The following EPB41 variants were observed in gnomAD, a reference collection of about 807,000 sequenced individuals.
EPB41 encodes protein 4.1.
EPB41 carries 65 observed loss-of-function variants against 108.0 expected under a neutral mutation model. That is an observed-to-expected ratio of 0.60 (90% CI 0.49 to 0.74). The LOEUF is 0.74. Among genes scored for constraint, EPB41 ranks in the 30% least tolerant of loss-of-function variants. The probability of loss-of-function intolerance (pLI) is 0.00; values close to 1 mark genes in which losing one functional copy is unlikely to be tolerated. For missense variants in EPB41, 875 were observed against 1,037.0 expected (o/e 0.84, Z 2.15); for synonymous variants, 336 against 358.9 (o/e 0.94, Z 0.72).
rs376738515 is a variant in EPB41, at chr1:29,115,791, T to C, written c.2589T>C (p.Asp863=). 1.2e-5 allele frequency: 20 copies of C among 1,613,714 alleles called. No individual in the cohort carries two copies. Among genetic ancestry groups the C allele is most frequent in the Middle Eastern group, 3.3e-4 (2 of 6,080 alleles). The stretch of plus-strand genomic sequence containing the variant: ...TCCACCAGGAGACCGAGATTGCTGA[T>C]GAGTGAGCTCAGGTACTGGGCGTTC... ...VVVHQETEIA[D]E The change falls in exon 20 of 21, where the codon GAT becomes GAC. Residue 863 remains aspartate, a synonymous_variant. Coordinates refer to ENST00000343067, the MANE Select transcript of EPB41 (RefSeq NM_001376013.1). This position sits in a 1 kb window ranked among gnomAD's most constrained non-coding sequence, Gnocchi z 4.4.
At chr1:29,100,565 G>A (rs544962296) in intron 17 of EPB41, among the ~76,000 whole-genome samples, 491 of 147,524 alleles carry the variant, frequency 3.3e-3, no homozygotes, top group Non-Finnish European at 6.2e-3. Flanking sequence ...TGAGGAGGGA[G>A]GATCTGTTGA....
At chr1:28,902,666 G>T (rs1055653507) in intron 1 of EPB41, among the ~76,000 whole-genome samples, 4 of 152,150 alleles carry the variant, frequency 2.6e-5, no homozygotes, top group Non-Finnish European at 5.9e-5. Flanking sequence ...GTACAGGGGG[G>T]TTCGTCACAC....
chr1:28,967,180 G>A (rs1199703157), intron 1 of EPB41, among the ~76,000 whole-genome samples: 3 of 151,844 alleles, frequency 2.0e-5, no homozygotes, highest in Admixed American at 6.6e-5. Flanking sequence ...CACCACACCC[G>A]GCTAAGTTTT....
Position 28,939,568 on chromosome 1 carries a change from C to G in EPB41, c.-8+24800C>G, listed in dbSNP as rs1270726005. On this transcript the variant is annotated intron_variant, in intron 1 of 20. Coordinates refer to ENST00000343067, the MANE Select transcript of EPB41 (RefSeq NM_001376013.1). ...AAGCGATTCTCCTGGCTCAGCCTCC[C>G]GAGTAGCTGGGATTACAGGCACTTG... Among the ~76,000 whole-genome samples, 4 of 151,940 alleles carry G rather than the reference C, an allele frequency of 2.6e-5. No individual in the cohort carries two copies. The South Asian group carries it at 8.3e-4, about 32-fold the overall frequency.
chr1:28,992,967 C>T (rs2096064391), intron 2 of EPB41, among the ~76,000 whole-genome samples: 1 of 152,132 alleles, frequency 6.6e-6, no homozygotes, highest in Admixed American at 6.5e-5. Flanking sequence ...TGTAAGGCTA[C>T]ATTGCTAAAA....
At chr1:29,065,599 C>A (rs991424563) in intron 16 of EPB41, 2 of 153,144 alleles carry the variant, frequency 1.3e-5, no homozygotes, top group African/African-American at 4.8e-5. Context: ...TGGACTGGTT[C>A]CCCACAATTA....
rs1298786001 is a variant in EPB41, at chr1:29,118,274, A to AT, written c.*1468dup. The AT allele has an allele frequency of 6.6e-6, 1 of 151,898 alleles. No homozygotes were observed. Among genetic ancestry groups the AT allele is most frequent in the Non-Finnish European group, 1.5e-5 (1 of 68,014 alleles). 9.4% of individuals were successfully genotyped at this position (151,898 alleles called of 1,614,324 possible). On this transcript the variant is annotated 3_prime_UTR_variant, in exon 21 of 21. Transcript: ENST00000343067. ...AGGCGCACACCACCACGCCCAGCAA[A>AT]TTTTTTGTATTTTTAGTAGAAACGG... is the stretch of plus-strand genomic sequence containing the variant.
intron 4 of EPB41, among the ~76,000 whole-genome samples, chr1:29,009,121 C>T (rs958547521): frequency 1.3e-5 from 2 of 151,406 alleles, no homozygotes; most frequent in Admixed American, 1.3e-4. Context: ...TCCCTAAGGA[C>T]CAGTGCTAGT....
At chr1:29,090,135 G>A (rs535416226) in intron 16 of EPB41, among the ~76,000 whole-genome samples, 21 of 152,062 alleles carry the variant, frequency 1.4e-4, no homozygotes, top group South Asian at 1.2e-3. Flanking sequence ...ATGGTGGCAC[G>A]CATCTGTAAC....
chr1:29,012,155 G>A (rs990165386), intron 5 of EPB41, among the ~76,000 whole-genome samples: 9 of 152,056 alleles, frequency 5.9e-5, no homozygotes, highest in Admixed American at 2.0e-4. Flanking sequence ...CAAAGTTGGG[G>A]AAGATAGGAA....
At chr1:29,103,887 G>A (rs1448638601) in intron 17 of EPB41, among the ~76,000 whole-genome samples, 1 of 152,082 alleles carries the variant, frequency 6.6e-6, no homozygotes, top group African/African-American at 2.4e-5. Context: ...GGCTGGTTTC[G>A]AATGCCTGAT....
intron 16 of EPB41, among the ~76,000 whole-genome samples, chr1:29,077,564 AG>A (rs1654606152): frequency 6.6e-6 from 1 of 152,238 alleles, no homozygotes; most frequent in Admixed American, 6.6e-5. Flanking sequence ...AATACATTGC[AG>A]AGAGCAATTT....
chr1:29,105,640 A>G (rs1333676138), intron 17 of EPB41, among the ~76,000 whole-genome samples: 3 of 152,128 alleles, frequency 2.0e-5, no homozygotes, highest in Non-Finnish European at 4.4e-5. Context: ...CATTGAATGA[A>G]TATACCACAA....
chr1:29,115,921 C>G lies in EPB41; in HGVS notation c.*6+118C>G. On this transcript the variant is annotated intron_variant, in intron 20 of 20. Transcript: ENST00000343067. The surrounding 1 kb of genome is among the most constrained non-coding windows in gnomAD (Gnocchi z 4.4). ...CCACAAAGAGGTGTTCACCCTGGGACTTGATAAAGGCAGACGAGAGGCTGA... is the reference window on the plus strand; with the variant it reads ...CCACAAAGAGGTGTTCACCCTGGGAGTTGATAAAGGCAGACGAGAGGCTGA... 1 of 783,542 alleles carries G rather than the reference C, an allele frequency of 1.3e-6. No individual in the cohort carries two copies. Among genetic ancestry groups the G allele is most frequent in the Non-Finnish European group, 2.2e-6 (1 of 453,224 alleles). The allele number at this position is 783,542 out of a possible 1,614,324, so 48.5% of individuals were successfully genotyped here. A position where few individuals can be genotyped will look rare whatever the true frequency, so the allele number is the denominator to read the frequency against.
At chr1:28,979,314 A>G (rs2095678521) in intron 1 of EPB41, among the ~76,000 whole-genome samples, 1 of 151,638 alleles carries the variant, frequency 6.6e-6, no homozygotes. Flanking sequence ...TTTGTAGACC[A>G]CAACCACTCT....
intron 1 of EPB41, among the ~76,000 whole-genome samples, chr1:28,964,608 A>G (rs192219895): frequency 4.1e-4 from 62 of 151,454 alleles, no homozygotes; most frequent in African/African-American, 1.4e-3. Context: ...CTCTGTCTCA[A>G]ATAAATAAAT....
At chr1:28,968,170 A>G (rs1241066458) in intron 1 of EPB41, among the ~76,000 whole-genome samples, 2 of 152,004 alleles carry the variant, frequency 1.3e-5, no homozygotes, top group African/African-American at 4.8e-5. Context: ...CATCCTGGCC[A>G]ACATGGTGAA....
chr1:28,915,063 C>G (rs1223824710), intron 1 of EPB41, among the ~76,000 whole-genome samples: 1 of 51,056 alleles, frequency 2.0e-5, no homozygotes, highest in African/African-American at 7.9e-5. Flanking sequence ...TGACGGTCCC[C>G]TCGGGTGCGT....
chr1:28,961,324 A>G lies in EPB41; in HGVS notation c.-7-26107A>G, dbSNP rs143678405. Among the ~76,000 whole-genome samples the G allele has an allele frequency of 3.7e-3, 571 of 152,310 alleles. 6 individuals carry two copies. Among genetic ancestry groups the G allele is most frequent in the African/African-American group, 0.013 (530 of 41,580 alleles). On this transcript the variant is annotated intron_variant, in intron 1 of 20. Transcript: ENST00000343067. ...GCAGTTTTAAGAAAAATCACCTTAC[A>G]TGAATAAGGTGTTAAGTGCTCTCCG...
Sources: gnomAD v4.1 joint callset for allele counts (sites outside exome capture counted in the v4.1 genomes callset) on GRCh38, gnomAD v4.1.1 for gene constraint, Gnocchi (gnomAD v3.1) non-coding constraint, MANE v1.5 for transcripts, NCBI Gene and HGNC (gene_info 2026-07-23, HGNC 2026-07-21) for gene names.